The following PRDM15 variants were observed in gnomAD, a reference collection of about 807,000 sequenced individuals.
PRDM15 encodes PR/SET domain 15.
In PRDM15, 64 loss-of-function variants were observed where a neutral mutation model predicts 128.6. The ratio of observed to expected loss-of-function variants is 0.50; its 90% CI spans 0.41 to 0.61. The LOEUF (loss-of-function observed/expected upper bound fraction) is 0.61, where lower values mean the gene tolerates loss of function less well. Ranked by LOEUF, PRDM15 falls within the 20% of genes least tolerant of loss-of-function variation. The pLI is 0.00. For synonymous variants in PRDM15, 615 were observed against 621.8 expected (o/e 0.99, Z 0.16); for missense variants, 1,242 against 1,569.1 (o/e 0.79, Z 3.52).
At chr21:41,822,120 A>AT (rs2146401851) in intron 14 of PRDM15, 83 bp from the exon 15 acceptor site, 1 of 1,574,556 alleles carries the variant, frequency 6.4e-7, no homozygotes, top group East Asian at 2.2e-5. Flanking sequence ...ACGACCAATC[A>AT]TTTCCCCAGA....
intron 1 of PRDM15, among the ~76,000 whole-genome samples, chr21:41,866,909 C>T (rs1213261246): frequency 1.3e-5 from 2 of 152,130 alleles, no homozygotes; most frequent in African/African-American, 2.4e-5. Context: ...CGCCACAACA[C>T]CTCCACTCCC....
rs2061789129 is a variant in PRDM15, at chr21:41,809,394, A to G, written c.2652+760T>C. 2.6e-5 allele frequency among the ~76,000 whole-genome samples: 4 copies of G among 151,864 alleles called. No individual in the cohort carries two copies. In the South Asian group the frequency reaches 8.3e-4, roughly 32 times the overall value. ...ACTACAGGCGCCCACCACCATGCCC[A>G]GCTAATTTTTATATTTTTAGTAGAG... On this transcript the variant is annotated intron_variant, in intron 21 of 23. Transcript: ENST00000398548.
At chr21:41,802,197 A>G (rs931941846) in intron 23 of PRDM15, among the ~76,000 whole-genome samples, 5 of 152,206 alleles carry the variant, frequency 3.3e-5, no homozygotes, top group African/African-American at 1.2e-4. Flanking sequence ...CCCCAAAACA[A>G]GAGAGAGAAG....
chr21:41,810,901 G>GTCTTCTC lies in PRDM15; in HGVS notation c.2393-72_2393-66dup. ...GTGTTGTAAGTCCACATCAGGGCAT[G>GTCTTCTC]TCTTCTCCCTGACACGTTCCAGGCA... On this transcript the variant is annotated intron_variant, in intron 19 of 23. Transcript: ENST00000398548. This position sits in a 1 kb window ranked among gnomAD's most constrained non-coding sequence, Gnocchi z 6.4. The GTCTTCTC allele has an allele frequency of 6.9e-7, 1 of 1,443,596 alleles. No individual in the cohort carries two copies. Among genetic ancestry groups the GTCTTCTC allele is most frequent in the Non-Finnish European group, 9.8e-7 (1 of 1,025,554 alleles). The allele number at this position is 1,443,596 out of a possible 1,614,324, so 89.4% of individuals were successfully genotyped here. A position where few individuals can be genotyped will look rare whatever the true frequency, so the allele number is the denominator to read the frequency against.
chr21:41,867,589 T>C (rs1335458360), intron 1 of PRDM15, among the ~76,000 whole-genome samples: 1 of 152,210 alleles, frequency 6.6e-6, no homozygotes, highest in Admixed American at 6.5e-5. Context: ...AGTACAGCCG[T>C]TGTGCCCAGC....
intron 5 of PRDM15, among the ~76,000 whole-genome samples, chr21:41,852,347 T>C (rs2145825105): frequency 6.6e-6 from 1 of 152,344 alleles, no homozygotes; most frequent in South Asian, 2.1e-4. Flanking sequence ...GCCTAGGCCT[T>C]CAGGAATTCC....
chr21:41,848,704 T>C lies in PRDM15; in HGVS notation c.539-1513A>G, dbSNP rs1043070889. ...AATTTCTTCGAATCCACGTGGGCCA[T>C]TGTCTCCAGCAATAAGCCTCCACAC... On this transcript the variant is annotated intron_variant, in intron 5 of 23. Transcript: ENST00000398548. Among the ~76,000 whole-genome samples the C allele has an allele frequency of 2.0e-5, 3 of 152,288 alleles. No individual in the cohort carries two copies. In the East Asian group the frequency reaches 5.8e-4, roughly 29 times the overall value.
At chr21:41,869,133 C>A (rs2064122569) in intron 1 of PRDM15, among the ~76,000 whole-genome samples, 1 of 152,160 alleles carries the variant, frequency 6.6e-6, no homozygotes, top group Non-Finnish European at 1.5e-5. Flanking sequence ...TCCTCCCACT[C>A]CCAGTTTAAG....
In PRDM15 at chr21:41,821,109, A is replaced by C; in HGVS notation, c.2018T>G (p.Met673Arg). The C allele has an allele frequency of 6.2e-7, 1 of 1,614,200 alleles. No homozygotes were observed. Among genetic ancestry groups the C allele is most frequent in the Non-Finnish European group, 8.5e-7 (1 of 1,180,012 alleles). ...FALKATYHAH[M>R]VIHRENLPDP... The stretch of plus-strand genomic sequence containing the variant: ...CGGCAGGTTTTCACGGTGGATGACC[A>C]TGTGGGCGTGGTAGGTGGCCTTCAG... The change falls in exon 16 of 24, where the codon ATG becomes AGG. Residue 673 changes from methionine to arginine, a missense_variant. Physicochemically the swap from Met to Arg is moderately conservative, Grantham distance 91 (BLOSUM62 -1). Around this residue, in one of 3 missense-constraint regions of PRDM15, gnomAD observed 602 missense variants for 788.3 expected, o/e 0.76. Coordinates refer to ENST00000398548, the MANE Select transcript of PRDM15 (RefSeq NM_001040424.3). This position sits in a 1 kb window ranked among gnomAD's most constrained non-coding sequence, Gnocchi z 5.4.
chr21:41,840,780 TA>T (rs1226062441), intron 6 of PRDM15, among the ~76,000 whole-genome samples: 1 of 150,984 alleles, frequency 6.6e-6, no homozygotes, highest in East Asian at 1.9e-4. Context: ...AAAGAAGGGT[TA>T]AAAAACACAT....
chr21:41,802,702 G>A lies in PRDM15; in HGVS notation c.2943+10C>T, dbSNP rs142340338. ...CGGCACCTAATCAGAACATAAAGCA[G>A]CAAACTGACCTGCTGAATGCTCTGT... On this transcript the variant is annotated intron_variant, in intron 23 of 23. Coordinates refer to ENST00000398548, the MANE Select transcript of PRDM15 (RefSeq NM_001040424.3). 1 of 1,612,900 alleles carries A rather than the reference G, an allele frequency of 6.2e-7. No homozygotes were observed. Among genetic ancestry groups the A allele is most frequent in the African/African-American group, 1.3e-5 (1 of 74,992 alleles).
At chr21:41,815,408 C>T (rs2062015107) in intron 19 of PRDM15, among the ~76,000 whole-genome samples, 1 of 152,220 alleles carries the variant, frequency 6.6e-6, no homozygotes, top group African/African-American at 2.4e-5. Context: ...ATTTCTTGTG[C>T]ACATTCCTGA....
At chr21:41,871,698 G>A in intron 1 of PRDM15, 1 of 1,470,316 alleles carries the variant, frequency 6.8e-7, no homozygotes, top group Non-Finnish European at 9.2e-7. Flanking sequence ...AAACATGACA[G>A]AAACTAACAG....
chr21:41,821,235 G>A lies in PRDM15; in HGVS notation c.1897-5C>T, dbSNP rs200171768. The A allele has an allele frequency of 1.7e-4, 271 of 1,614,014 alleles. 2 individuals carry two copies. In the African/African-American group the frequency reaches 2.8e-3, roughly 17 times the overall value. On this transcript the variant is annotated splice_region_variant and splice_polypyrimidine_tract_variant and intron_variant, in intron 15 of 23. Transcript: ENST00000398548. This position sits in a 1 kb window ranked among gnomAD's most constrained non-coding sequence, Gnocchi z 5.4. ...CTTCCCCCGGCCGAAGGTGAGCTGCGGGCCAGGTGGACAGGGCACTGCTGA... is the reference window on the plus strand; with the variant it reads ...CTTCCCCCGGCCGAAGGTGAGCTGCAGGCCAGGTGGACAGGGCACTGCTGA...
intron 5 of PRDM15, among the ~76,000 whole-genome samples, chr21:41,850,456 A>G (rs559085562): frequency 3.9e-5 from 6 of 152,276 alleles, no homozygotes; most frequent in African/African-American, 1.4e-4. Context: ...AGTTAAGGCC[A>G]GGCACAGTGC....
intron 7 of PRDM15, 42 bp from the exon 8 acceptor site, chr21:41,838,105 AG>A: frequency 6.2e-7 from 1 of 1,608,042 alleles, no homozygotes. Context: ...CCACAAGAGC[AG>A]GGGACAAACA....
Position 41,798,570 on chromosome 21 carries a change from G to C in PRDM15, c.*2670C>G, listed in dbSNP as rs1157096699. ...TCAACCCACAGACCAGGATTCACGGGGAGCAGCTGTACCTGTGGCCTCCCC... is the reference window on the plus strand; with the variant it reads ...TCAACCCACAGACCAGGATTCACGGCGAGCAGCTGTACCTGTGGCCTCCCC... On this transcript the variant is annotated 3_prime_UTR_variant, in exon 24 of 24. Coordinates refer to ENST00000398548, the MANE Select transcript of PRDM15 (RefSeq NM_001040424.3). 1 of 152,226 alleles carries C rather than the reference G, an allele frequency of 6.6e-6. No homozygotes were observed. The highest frequency in any genetic ancestry group is 1.5e-5 in the Non-Finnish European group (1 of 68,108). The allele number at this position is 152,226 out of a possible 1,614,324, so 9.4% of individuals were successfully genotyped here. A position where few individuals can be genotyped will look rare whatever the true frequency, so the allele number is the denominator to read the frequency against.
At chr21:41,870,429 T>A (rs964492923) in intron 1 of PRDM15, among the ~76,000 whole-genome samples, 3 of 152,126 alleles carry the variant, frequency 2.0e-5, no homozygotes, top group Admixed American at 2.0e-4. Flanking sequence ...TCTTTCCCGC[T>A]GGGCACACGG....
chr21:41,856,085 TCCCTCCCCTCCCTCCCTTC>T (rs2063598336), intron 4 of PRDM15, among the ~76,000 whole-genome samples: 1 of 14,140 alleles, frequency 7.1e-5, no homozygotes, highest in Non-Finnish European at 1.3e-4. Context: ...CTTCCTTCCC[TCCCTCCCCTCCCTCCCTTC>T]CTTTCCTTCC....
Sources: allele counts gnomAD v4.1 joint callset (sites outside exome capture counted in the v4.1 genomes callset), GRCh38; gene constraint gnomAD v4.1.1; regional missense constraint gnomAD v4.1.1; non-coding constraint Gnocchi (gnomAD v3.1); transcripts MANE v1.5; gene names NCBI Gene and HGNC (gene_info 2026-07-23, HGNC 2026-07-21).